The following GRIK2 variants were observed in gnomAD, a reference collection of about 807,000 sequenced individuals.
The protein encoded by GRIK2 is glutamate receptor ionotropic, kainate 2.
GRIK2 carries 32 observed loss-of-function variants against 100.3 expected under a neutral mutation model. That is an observed-to-expected ratio of 0.32 (90% CI 0.24 to 0.43). The LOEUF is 0.43. Ranked by LOEUF, GRIK2 falls within the 20% of genes least tolerant of loss-of-function variation. The probability of loss-of-function intolerance (pLI) is 1.00; values close to 1 mark genes in which losing one functional copy is unlikely to be tolerated. For synonymous variants in GRIK2, 417 were observed against 389.4 expected (o/e 1.07, Z -0.83); for missense variants, 843 against 1,114.9 (o/e 0.76, Z 3.47).
chr6:101,959,306 A>G (rs1310718), intron 14 of GRIK2, among the ~76,000 whole-genome samples: 78,273 of 151,782 alleles, frequency 0.52, 20,785 homozygotes, highest in African/African-American at 0.65. Context: ...TGTCTGTTAA[A>G]GATTTCTATT....
intron 10 of GRIK2, among the ~76,000 whole-genome samples, chr6:101,835,565 G>T (rs992915148): frequency 1.7e-4 from 25 of 148,618 alleles, no homozygotes; most frequent in Admixed American, 1.4e-3. Context: ...CCATCCCCCG[G>T]GTTCAAGTGA....
Position 101,963,278 on chromosome 6 carries a change from A to ATTTTTTTTTTTTTTTTTTTT in GRIK2, c.2085+34664_2085+34683dup, listed in dbSNP as rs3029099. On this transcript the variant is annotated intron_variant, in intron 14 of 16. Transcript: ENST00000369134. ...TATTTCATATTTATACTTATTTAGG[A>ATTTTTTTTTTTTTTTTTTTT]TTTTTTTTTTTTTTTTTTTTTTTTT... Among the ~76,000 whole-genome samples, 22 of 27,822 alleles carry ATTTTTTTTTTTTTTTTTTTT rather than the reference A, an allele frequency of 7.9e-4. 11 individuals are homozygous for ATTTTTTTTTTTTTTTTTTTT. Among genetic ancestry groups the ATTTTTTTTTTTTTTTTTTTT allele is most frequent in the Non-Finnish European group, 1.3e-3 (18 of 14,022 alleles). The allele number at this position is 27,822 out of a possible 152,430, so 18.3% of individuals were successfully genotyped here.
chr6:101,849,483 A>G (rs1205617729), intron 10 of GRIK2, among the ~76,000 whole-genome samples: 1 of 152,004 alleles, frequency 6.6e-6, no homozygotes, highest in Non-Finnish European at 1.5e-5. Context: ...ACCTTCCTGA[A>G]AAGCATAATT....
intron 4 of GRIK2, among the ~76,000 whole-genome samples, chr6:101,642,981 T>G (rs143723684): frequency 1.5e-4 from 23 of 151,932 alleles, no homozygotes; most frequent in African/African-American, 5.5e-4. Flanking sequence ...TGATTAATGA[T>G]GTTAAACACA....
chr6:102,016,489 C>A (rs747685158), intron 14 of GRIK2, among the ~76,000 whole-genome samples: 1 of 150,946 alleles, frequency 6.6e-6, no homozygotes, highest in Non-Finnish European at 1.5e-5. Flanking sequence ...TGTAACTAAC[C>A]TGCACATTGT....
intron 2 of GRIK2, among the ~76,000 whole-genome samples, chr6:101,412,643 T>G (rs1316588831): frequency 6.6e-6 from 1 of 152,034 alleles, no homozygotes; most frequent in African/African-American, 2.4e-5. Context: ...TAATAATAAA[T>G]TATTCATAGG....
intron 14 of GRIK2, among the ~76,000 whole-genome samples, chr6:102,031,624 C>G (rs1235086338): frequency 6.6e-6 from 1 of 151,152 alleles, no homozygotes; most frequent in Non-Finnish European, 1.5e-5. Context: ...CATCATCTTC[C>G]TCCCTTGGTA....
At chr6:101,953,608 C>A (rs1482612140) in intron 14 of GRIK2, among the ~76,000 whole-genome samples, 1 of 152,032 alleles carries the variant, frequency 6.6e-6, no homozygotes, top group Non-Finnish European at 1.5e-5. Context: ...ATTAGGTTGT[C>A]TTTTTATCAT....
chr6:101,846,379 T>C (rs1002071073), intron 10 of GRIK2, among the ~76,000 whole-genome samples: 2 of 152,080 alleles, frequency 1.3e-5, no homozygotes, highest in Non-Finnish European at 2.9e-5. Flanking sequence ...ACATGTAGAT[T>C]TTTAGTTGTC....
At chr6:102,015,224 T>G (rs570793240) in intron 14 of GRIK2, among the ~76,000 whole-genome samples, 1 of 152,274 alleles carries the variant, frequency 6.6e-6, no homozygotes, top group Non-Finnish European at 1.5e-5. Context: ...CTTTGTTGAT[T>G]TAACGTCTGT....
At position 101,478,505 on chromosome 6, in the gene GRIK2, G is replaced by GT. The variant is rs1322853140; in HGVS notation, c.115+79113_115+79114insT. ...AAACTTGTTCTTTTACTTCTGTTTT[G>GT]GTTTTTTTTTTTTTTTTTTTTTAAT... On this transcript the variant is annotated intron_variant, in intron 2 of 16. Coordinates refer to ENST00000369134, the MANE Select transcript of GRIK2 (RefSeq NM_021956.5). Among the ~76,000 whole-genome samples, 26 of 129,582 alleles carry GT rather than the reference G, an allele frequency of 2.0e-4. No homozygotes were observed. In the East Asian group the frequency reaches 2.9e-3, roughly 14 times the overall value. The allele number at this position is 129,582 out of a possible 152,430, so 85.0% of individuals were successfully genotyped here.
intron 2 of GRIK2, among the ~76,000 whole-genome samples, chr6:101,561,431 A>T (rs1160602364): frequency 2.6e-5 from 4 of 152,134 alleles, no homozygotes; most frequent in Non-Finnish European, 2.9e-5. Context: ...ATAAAAATAC[A>T]ATTAGATAGA....
intron 7 of GRIK2, among the ~76,000 whole-genome samples, chr6:101,692,680 A>G (rs1772193743): frequency 6.6e-6 from 1 of 152,096 alleles, no homozygotes; most frequent in Non-Finnish European, 1.5e-5. Flanking sequence ...AGAGACACAC[A>G]TATATTTACC....
chr6:102,069,702 A>C lies in GRIK2; in HGVS notation c.*1191A>C, dbSNP rs1772174961. 6.6e-6 allele frequency: 1 copy of C among 151,980 alleles called. No individual in the cohort carries two copies. The highest frequency in any genetic ancestry group is 2.1e-4 in the South Asian group (1 of 4,830). 9.4% of individuals were successfully genotyped at this position (151,980 alleles called of 1,614,324 possible). On this transcript the variant is annotated 3_prime_UTR_variant, in exon 17 of 17. Coordinates refer to ENST00000369134, the MANE Select transcript of GRIK2 (RefSeq NM_021956.5). ...TCTATGAAAATAGTTTTTGTATGGA[A>C]ATTTTTGTAATACTTTTTATCAACA...
At chr6:101,465,140 A>G (rs1771574593) in intron 2 of GRIK2, among the ~76,000 whole-genome samples, 1 of 152,178 alleles carries the variant, frequency 6.6e-6, no homozygotes, top group Non-Finnish European at 1.5e-5. Flanking sequence ...ATTTATACAC[A>G]TAACGGGTAC....
intron 14 of GRIK2, among the ~76,000 whole-genome samples, chr6:101,971,507 T>C (rs543660912): frequency 6.6e-6 from 1 of 152,164 alleles, no homozygotes; most frequent in African/African-American, 2.4e-5. Flanking sequence ...AAGGTTATTT[T>C]CTAAACATTT....
At chr6:101,633,262 A>T (rs137940659) in intron 4 of GRIK2, among the ~76,000 whole-genome samples, 1 of 152,194 alleles carries the variant, frequency 6.6e-6, no homozygotes, top group South Asian at 2.1e-4. Context: ...GCATATATCC[A>T]TTCACCTTTT....
At chr6:102,002,133 A>G (rs1050465653) in intron 14 of GRIK2, among the ~76,000 whole-genome samples, 14 of 150,840 alleles carry the variant, frequency 9.3e-5, no homozygotes, top group African/African-American at 2.9e-4. Context: ...TTGATAATTT[A>G]TATTATTATT....
intron 4 of GRIK2, among the ~76,000 whole-genome samples, chr6:101,627,925 C>A (rs2128319200): frequency 6.6e-6 from 1 of 152,200 alleles, no homozygotes. Flanking sequence ...TTTTAATTTT[C>A]ATTGAAAGTT....
Sources: allele counts gnomAD v4.1 joint callset (sites outside exome capture counted in the v4.1 genomes callset), GRCh38; gene constraint gnomAD v4.1.1; transcripts MANE v1.5; gene names NCBI Gene and HGNC (gene_info 2026-07-23, HGNC 2026-07-21).